ARID1B: variants seen among roughly 807,000 people sequenced by gnomAD.
ARID1B encodes AT-rich interactive domain-containing protein 1B.
In ARID1B, 30 loss-of-function variants were observed where a neutral mutation model predicts 212.3. That is an observed-to-expected ratio of 0.14 (90% CI 0.11 to 0.19). The LOEUF (loss-of-function observed/expected upper bound fraction) is 0.19. Ranked by LOEUF, ARID1B falls within the 10% of genes least tolerant of loss-of-function variation. The pLI is 1.00. For synonymous variants in ARID1B, 1,402 were observed against 1,301.7 expected, an observed-to-expected ratio of 1.08 and a Z score of -1.66; for missense variants, 2,891 against 3,204.0, an observed-to-expected ratio of 0.90 and a Z score of 2.36.
At chr6:157,178,576 G>C (rs1792277003) in intron 11 of ARID1B, among the ~76,000 whole-genome samples, 1 of 152,190 alleles carries the variant, frequency 6.6e-6, no homozygotes, top group Admixed American at 6.5e-5. Flanking sequence ...GTTCCCTGCA[G>C]ATGCAGTTTC....
intron 6 of ARID1B, among the ~76,000 whole-genome samples, chr6:157,116,343 G>A (rs561575411): frequency 1.3e-5 from 2 of 151,622 alleles, no homozygotes; most frequent in South Asian, 2.1e-4. Context: ...TTAATTTTTC[G>A]AAAACCTTCT....
rs189800426 is a variant in ARID1B at position 156,836,065 on chromosome 6, T to C, written c.1986+6644T>C. ...TAAGCATGGTATTTATGTTAAAACG[T>C]TAATAATTCAAATAAAGGTAACAGT... On this transcript the variant is annotated intron_variant, in intron 2 of 19. Coordinates refer to ENST00000636930, the MANE Select transcript of ARID1B (RefSeq NM_001374828.1). Among the ~76,000 whole-genome samples, 7 of 152,310 alleles carry C rather than the reference T, an allele frequency of 4.6e-5. No individual in the cohort carries two copies. The East Asian group carries it at 1.3e-3, about 29-fold the overall frequency.
rs1792016571 is a variant in ARID1B at position 156,934,681 on chromosome 6, A to T, written c.2137-785A>T. Among the ~76,000 whole-genome samples the T allele has an allele frequency of 1.3e-5, 2 of 151,852 alleles. 1 individual carries two copies. Among genetic ancestry groups the T allele is most frequent in the South Asian group, 4.2e-4 (2 of 4,812 alleles). On this transcript the variant is annotated intron_variant, in intron 3 of 19. Coordinates refer to ENST00000636930, the MANE Select transcript of ARID1B (RefSeq NM_001374828.1). ...GACCTGTTAAGATATAGTTGATAGT[A>T]AGGTTTTCGTTAGTTATTTCAACTT... is the stretch of plus-strand genomic sequence containing the variant.
intron 4 of ARID1B, among the ~76,000 whole-genome samples, chr6:157,010,779 G>A (rs1212776607): frequency 6.6e-6 from 1 of 152,104 alleles, no homozygotes; most frequent in Non-Finnish European, 1.5e-5. Flanking sequence ...TTTCTCTAGT[G>A]CTTAATCCTT....
At chr6:156,849,170 T>C (rs750458466) in intron 2 of ARID1B, among the ~76,000 whole-genome samples, 2 of 152,228 alleles carry the variant, frequency 1.3e-5, no homozygotes, top group African/African-American at 2.4e-5. Flanking sequence ...ATGTATGCTA[T>C]TTTTTATTCT....
At chr6:157,118,792 A>G (rs114226127) in intron 6 of ARID1B, among the ~76,000 whole-genome samples, 92 of 152,362 alleles carry the variant, frequency 6.0e-4, no homozygotes, top group African/African-American at 2.0e-3. Context: ...GTCACACACA[A>G]TAGGAGTCCA....
intron 2 of ARID1B, among the ~76,000 whole-genome samples, chr6:156,861,700 C>T (rs1223656936): frequency 2.6e-5 from 4 of 152,202 alleles, no homozygotes; most frequent in African/African-American, 9.7e-5. Flanking sequence ...CACCTTCCCA[C>T]GGAACCTGAA....
chr6:157,184,553 G>A (rs1792830337), intron 13 of ARID1B, 118 bp downstream of exon 13: 2 of 1,185,292 alleles, frequency 1.7e-6, no homozygotes, highest in South Asian at 1.3e-5. Flanking sequence ...TGAGAGGTGG[G>A]GGGTTCCTGT....
At chr6:156,946,313 C>T (rs775762881) in intron 4 of ARID1B, among the ~76,000 whole-genome samples, 11 of 151,758 alleles carry the variant, frequency 7.2e-5, no homozygotes, top group African/African-American at 1.4e-4. Context: ...TGGAGGTTGC[C>T]GTGAGCCGAG....
intron 4 of ARID1B, among the ~76,000 whole-genome samples, chr6:156,978,649 A>AT (rs1777411523): frequency 6.6e-6 from 1 of 152,154 alleles, no homozygotes; most frequent in South Asian, 2.1e-4. Context: ...TACAGAAGTT[A>AT]TTTTTAGTAT....
chr6:157,004,479 A>G (rs1007585730), intron 4 of ARID1B, among the ~76,000 whole-genome samples: 6 of 152,190 alleles, frequency 3.9e-5, no homozygotes, highest in Non-Finnish European at 8.8e-5. Context: ...CCGAAGTGTA[A>G]TTTCTTGAGA....
intron 3 of ARID1B, among the ~76,000 whole-genome samples, chr6:156,927,591 G>C (rs968975447): frequency 6.6e-6 from 1 of 151,776 alleles, no homozygotes; most frequent in Non-Finnish European, 1.5e-5. Context: ...GCATTATTTT[G>C]CAGTCATCCT....
At chr6:157,198,247 C>T (rs1417524358) in intron 16 of ARID1B, among the ~76,000 whole-genome samples, 1 of 152,140 alleles carries the variant, frequency 6.6e-6, no homozygotes, top group Non-Finnish European at 1.5e-5. Context: ...CTGTGAAATT[C>T]TGAGCACTTG....
At chr6:156,788,573 TTAAAAG>T (rs756642420) in intron 1 of ARID1B, among the ~76,000 whole-genome samples, 7 of 152,220 alleles carry the variant, frequency 4.6e-5, no homozygotes, top group Non-Finnish European at 8.8e-5. Context: ...TTGCAAAAAT[TTAAAAG>T]TAGGCTTCTT....
intron 4 of ARID1B, among the ~76,000 whole-genome samples, chr6:156,967,516 GAA>G (rs1794850153): frequency 6.6e-6 from 1 of 151,914 alleles, no homozygotes; most frequent in Non-Finnish European, 1.5e-5. Context: ...ATGAGTGAGA[GAA>G]GAGGAGGAGG....
chr6:157,116,977 G>A (rs1787361223), intron 6 of ARID1B, among the ~76,000 whole-genome samples: 1 of 152,120 alleles, frequency 6.6e-6, no homozygotes, highest in Non-Finnish European at 1.5e-5. Flanking sequence ...ATTTTGTGTT[G>A]TTCTAAGCCT....
At chr6:157,074,475 T>A (rs1242972682) in intron 4 of ARID1B, among the ~76,000 whole-genome samples, 1 of 152,160 alleles carries the variant, frequency 6.6e-6, no homozygotes, top group Non-Finnish European at 1.5e-5. Context: ...TCCGCCCACC[T>A]CGGCCTCCCA....
Position 156,930,365 on chromosome 6 carries a change from C to T in ARID1B, c.2137-5101C>T, listed in dbSNP as rs145307159. Reference sequence around the variant, plus strand: ...GTGAGCCACCTCACTCCCCTTTTGCCTTCCACCATGATTGGAAGCTTCCTG... The same window carrying T: ...GTGAGCCACCTCACTCCCCTTTTGCTTTCCACCATGATTGGAAGCTTCCTG... On this transcript the variant is annotated intron_variant, in intron 3 of 19. Coordinates refer to ENST00000636930, the MANE Select transcript of ARID1B (RefSeq NM_001374828.1). Among the ~76,000 whole-genome samples, 31 of 152,340 alleles carry T rather than the reference C, an allele frequency of 2.0e-4. No individual in the cohort carries two copies. In the East Asian group the frequency reaches 5.8e-3, roughly 28 times the overall value.
At chr6:157,155,280 G>C (rs1390867186) in intron 8 of ARID1B, among the ~76,000 whole-genome samples, 3 of 152,164 alleles carry the variant, frequency 2.0e-5, no homozygotes, top group Non-Finnish European at 4.4e-5. Flanking sequence ...GTTGGGACTG[G>C]AGTATGGCTG....
Sources: allele counts gnomAD v4.1 joint callset (sites outside exome capture counted in the v4.1 genomes callset), GRCh38; gene constraint gnomAD v4.1.1; transcripts MANE v1.5; gene names NCBI Gene and HGNC (gene_info 2026-07-23, HGNC 2026-07-21).